Variants in TRHDE observed in about 807,000 individuals in gnomAD.
The protein encoded by TRHDE is thyrotropin-releasing hormone-degrading ectoenzyme.
Under a neutral mutation model 125.7 loss-of-function variants are expected in TRHDE, and 72 were observed. The ratio of observed to expected loss-of-function variants is 0.57; its 90% CI spans 0.47 to 0.70. The LOEUF is 0.70. TRHDE is among the 30% of genes least tolerant of loss of function. TRHDE has a pLI of 0.00. For synonymous variants in TRHDE, 509 were observed against 509.1 expected (o/e 1.00, Z 0.00); for missense variants, 1,110 against 1,327.1 (o/e 0.84, Z 2.54).
At chr12:72,548,982 G>T (rs1337659676) in intron 7 of TRHDE, among the ~76,000 whole-genome samples, 2 of 151,788 alleles carry the variant, frequency 1.3e-5, no homozygotes. Flanking sequence ...CTAAAATATG[G>T]TTGAATAAAG....
Position 72,390,016 on chromosome 12 carries a change from G to T in TRHDE, c.1315+11895G>T, listed in dbSNP as rs531548007. On this transcript the variant is annotated intron_variant, in intron 3 of 18. Coordinates refer to ENST00000261180, the MANE Select transcript of TRHDE (RefSeq NM_013381.3). ...AACAGGATTTGCTGTGTTATAATAA[G>T]ATTCAAATGAAGGCTTGATGTTAGC... Among the ~76,000 whole-genome samples the T allele has an allele frequency of 1.1e-4, 16 of 152,276 alleles. No homozygotes were observed. The South Asian group carries it at 3.3e-3, about 32-fold the overall frequency.
At chr12:72,224,832 C>G (rs1878091913) in intron 2 of TRHDE, among the ~76,000 whole-genome samples, 1 of 152,078 alleles carries the variant, frequency 6.6e-6, no homozygotes, top group South Asian at 2.1e-4. Context: ...TGATTATTAG[C>G]CATATCTCTC....
At chr12:72,240,401 A>T (rs1878453872) in intron 2 of TRHDE, among the ~76,000 whole-genome samples, 1 of 150,550 alleles carries the variant, frequency 6.6e-6, no homozygotes, top group Admixed American at 6.6e-5. Context: ...ATTATATTGT[A>T]CATTCTGTTT....
chr12:72,110,396 G>A (rs146401892), intron 2 of TRHDE, among the ~76,000 whole-genome samples: 1 of 152,032 alleles, frequency 6.6e-6, no homozygotes, highest in Non-Finnish European at 1.5e-5. Flanking sequence ...GATTGAACCT[G>A]CTCAGGTCTG....
chr12:72,255,363 C>G (rs1319622069), intron 2 of TRHDE: 2 of 152,236 alleles, frequency 1.3e-5, no homozygotes, highest in Admixed American at 6.5e-5. Context: ...ACAGAACACA[C>G]TCATATGCAA....
chr12:72,337,932 A>C (rs1044213545), intron 2 of TRHDE, among the ~76,000 whole-genome samples: 1 of 152,142 alleles, frequency 6.6e-6, no homozygotes, highest in Non-Finnish European at 1.5e-5. Flanking sequence ...CTTTTAGGTA[A>C]GAAGTTCAGA....
At position 72,469,769 on chromosome 12, in the gene TRHDE, G is replaced by A. The variant is rs1033277303; in HGVS notation, c.1327G>A (p.Val443Met). The A allele has an allele frequency of 6.2e-7, 1 of 1,613,906 alleles. No individual in the cohort carries two copies. The highest frequency in any genetic ancestry group is 1.1e-5 in the South Asian group (1 of 91,040). ...TATTTTATTTCTAGATCTTTTAGCTGTGCCTAAGCATCCGTATGCTGCTAT... is the reference window on the plus strand; with the variant it reads ...TATTTTATTTCTAGATCTTTTAGCTATGCCTAAGCATCCGTATGCTGCTAT... ...YSLPKLDLLA[V>M]PKHPYAAMEN... Residue 443 changes from valine to methionine, a missense_variant, in exon 4 of 19, where the codon GTG (valine) becomes ATG (methionine). Physicochemically the swap from Val to Met is conservative, Grantham distance 21. Around this residue, in one of 5 missense-constraint regions of TRHDE, gnomAD observed 252 missense variants for 274.8 expected, o/e 0.92. Transcript: ENST00000261180.
intron 2 of TRHDE, among the ~76,000 whole-genome samples, chr12:72,185,322 C>T (rs1219987674): frequency 6.6e-6 from 1 of 152,242 alleles, no homozygotes; most frequent in African/African-American, 2.4e-5. Context: ...ATGCCTGAAC[C>T]TCCCACCCAC....
chr12:72,120,671 T>G (rs1875557085), intron 2 of TRHDE, among the ~76,000 whole-genome samples: 1 of 149,726 alleles, frequency 6.7e-6, no homozygotes, highest in South Asian at 2.1e-4. Flanking sequence ...TCCTACTCTT[T>G]AACTTTTTTT....
In TRHDE at chr12:72,667,153, T is replaced by C; in HGVS notation, c.*3958T>C. On this transcript the variant is annotated 3_prime_UTR_variant, in exon 19 of 19. Coordinates refer to ENST00000261180, the MANE Select transcript of TRHDE (RefSeq NM_013381.3). The stretch of plus-strand genomic sequence containing the variant: ...CCCTAAGGAAGTTTACAATAATATA[T>C]TTAATTAAAATCTACTGGCAATTAG... 6.6e-6 allele frequency: 1 copy of C among 151,960 alleles called. No individual in the cohort carries two copies. Among genetic ancestry groups the C allele is most frequent in the East Asian group, 1.9e-4 (1 of 5,172 alleles). The allele number at this position is 151,960 out of a possible 1,614,324, so 9.4% of individuals were successfully genotyped here. A position where few individuals can be genotyped will look rare whatever the true frequency, so the allele number is the denominator to read the frequency against.
At chr12:72,134,178 C>G (rs1433346033) in intron 2 of TRHDE, among the ~76,000 whole-genome samples, 2 of 152,146 alleles carry the variant, frequency 1.3e-5, no homozygotes, top group African/African-American at 4.8e-5. Context: ...AAATTCAAAT[C>G]AAGAAACTAA....
chr12:72,259,217 T>C (rs1476669670), intron 2 of TRHDE, among the ~76,000 whole-genome samples: 1 of 152,166 alleles, frequency 6.6e-6, no homozygotes, highest in East Asian at 1.9e-4. Flanking sequence ...TTACTTACTA[T>C]ATAATTGTGG....
intron 2 of TRHDE, among the ~76,000 whole-genome samples, chr12:72,265,408 G>T (rs1037030141): frequency 6.6e-6 from 1 of 151,882 alleles, no homozygotes. Flanking sequence ...AGAAAAAATG[G>T]TATGTTGGTG....
chr12:72,447,574 A>G (rs1875358561), intron 3 of TRHDE, among the ~76,000 whole-genome samples: 1 of 152,038 alleles, frequency 6.6e-6, no homozygotes, highest in South Asian at 2.1e-4. Flanking sequence ...GAATCAAGCA[A>G]TCTGTTTTAT....
chr12:72,641,936 T>C lies in TRHDE; in HGVS notation c.2676-10386T>C, dbSNP rs184885643. Among the ~76,000 whole-genome samples, 32 of 152,292 alleles carry C rather than the reference T, an allele frequency of 2.1e-4. No homozygotes were observed. The East Asian group carries it at 5.2e-3, about 25-fold the overall frequency. ...AATATGATAGTATTAGGAAGTAGGG[T>C]CTTTGGGAGCTAAATCACAGTTTGT... On this transcript the variant is annotated intron_variant, in intron 15 of 18. Transcript: ENST00000261180.
At chr12:72,236,470 A>G (rs963671975) in intron 2 of TRHDE, among the ~76,000 whole-genome samples, 1 of 152,172 alleles carries the variant, frequency 6.6e-6, no homozygotes, top group Non-Finnish European at 1.5e-5. Context: ...TATTTATGTC[A>G]AATATATTAT....
chr12:72,094,612 A>G (rs1237707837), intron 1 of TRHDE, among the ~76,000 whole-genome samples: 1 of 152,230 alleles, frequency 6.6e-6, no homozygotes, highest in Non-Finnish European at 1.5e-5. Flanking sequence ...GAGCTTAAGG[A>G]CAGGACCACT....
chr12:72,486,166 CCA>C (rs1408796959), intron 5 of TRHDE, among the ~76,000 whole-genome samples: 2 of 152,184 alleles, frequency 1.3e-5, no homozygotes, highest in Non-Finnish European at 2.9e-5. Context: ...CAGCCACACC[CCA>C]GTTCCCTGGG....
chr12:72,542,285 C>T lies in TRHDE; in HGVS notation c.1723-6C>T. 1 of 1,596,536 alleles carries T rather than the reference C, an allele frequency of 6.3e-7. No homozygotes were observed. Among genetic ancestry groups the T allele is most frequent in the Non-Finnish European group, 8.6e-7 (1 of 1,169,356 alleles). ...ATTCTGTTCTTTTTATTATTCTTTC[C>T]TATAGGGTGCTGCTTTAATAAGAAT... On this transcript the variant is annotated splice_polypyrimidine_tract_variant and splice_region_variant and intron_variant, in intron 6 of 18. Coordinates refer to ENST00000261180, the MANE Select transcript of TRHDE (RefSeq NM_013381.3).
Sources: allele counts gnomAD v4.1 joint callset (sites outside exome capture counted in the v4.1 genomes callset), GRCh38; gene constraint gnomAD v4.1.1; regional missense constraint gnomAD v4.1.1; transcripts MANE v1.5; gene names NCBI Gene and HGNC (gene_info 2026-07-23, HGNC 2026-07-21).